The following RIMKLB variants were observed in gnomAD, a reference collection of about 807,000 sequenced individuals.
The protein encoded by RIMKLB is ribosomal modification protein rimK like family member B.
A neutral mutation model predicts 32.0 loss-of-function variants in RIMKLB; 7 were observed. That is an observed-to-expected ratio of 0.22 (90% CI 0.12 to 0.41). The LOEUF is 0.41. Ranked by LOEUF, RIMKLB falls within the 10% of genes least tolerant of loss-of-function variation. RIMKLB has a pLI of 1.00. For missense variants in RIMKLB, 289 were observed against 498.7 expected, an observed-to-expected ratio of 0.58 and a Z score of 4.00; for synonymous variants, 172 against 185.1, an observed-to-expected ratio of 0.93 and a Z score of 0.57.
rs750550452 is a variant in RIMKLB at position 8,714,045 on chromosome 12, A to G, written c.175+4A>G. 6.2e-7 allele frequency: 1 copy of G among 1,613,454 alleles called. No homozygotes were observed. Among genetic ancestry groups the G allele is most frequent in the Non-Finnish European group, 8.5e-7 (1 of 1,179,476 alleles). On this transcript the variant is annotated splice_donor_region_variant and intron_variant, in intron 2 of 5. Coordinates refer to ENST00000535829, the MANE Select transcript of RIMKLB (RefSeq NM_001297776.2). ...ACAATCGAGCAAGGAAACCTGGGTA[A>G]GTCTGTATACTAAGTGATCTTTTGG...
At chr12:8,751,845 A>G (rs1182890042) in intron 3 of RIMKLB, 112 bp from the exon 4 acceptor site, 1 of 679,700 alleles carries the variant, frequency 1.5e-6, no homozygotes, top group Non-Finnish European at 2.6e-6. Flanking sequence ...GTTAGCCATC[A>G]GGCTCTTACC....
At chr12:8,779,704 T>C (rs1254882939), downstream of RIMKLB, 3 of 152,196 alleles carry the variant, frequency 2.0e-5, no homozygotes, top group African/African-American at 7.2e-5. Context: ...CTAGTTCATT[T>C]ACTGGAGACT....
intron 5 of RIMKLB, among the ~76,000 whole-genome samples, chr12:8,766,699 C>T (rs1033106385): frequency 2.0e-5 from 3 of 152,190 alleles, no homozygotes; most frequent in Non-Finnish European, 4.4e-5. Context: ...CCTCTATCTC[C>T]TGTCCTGAAG....
chr12:8,759,559 C>A (rs1050097921), intron 5 of RIMKLB, among the ~76,000 whole-genome samples: 2 of 151,974 alleles, frequency 1.3e-5, no homozygotes, highest in African/African-American at 4.8e-5. Context: ...TTTATTTGGT[C>A]ATTTGTATTT....
At chr12:8,707,728 AT>A (rs1235223913) in intron 1 of RIMKLB, among the ~76,000 whole-genome samples, 3 of 152,214 alleles carry the variant, frequency 2.0e-5, no homozygotes, top group Admixed American at 2.0e-4. Flanking sequence ...AATTATTAGC[AT>A]ACAGAAAGAC....
intron 2 of RIMKLB, among the ~76,000 whole-genome samples, chr12:8,721,879 G>A (rs1206058284): frequency 1.3e-5 from 2 of 152,144 alleles, no homozygotes; most frequent in Non-Finnish European, 2.9e-5. Flanking sequence ...AAGTAGCTGG[G>A]ACTACAGGTG....
chr12:8,733,863 A>C (rs1375075036), intron 2 of RIMKLB, among the ~76,000 whole-genome samples: 1 of 152,206 alleles, frequency 6.6e-6, no homozygotes, highest in African/African-American at 2.4e-5. Flanking sequence ...TGGGTGACAC[A>C]GTGAGACCCT....
At chr12:8,705,190 A>C (rs1654747280) in intron 1 of RIMKLB, among the ~76,000 whole-genome samples, 1 of 152,128 alleles carries the variant, frequency 6.6e-6, no homozygotes, top group South Asian at 2.1e-4. Context: ...GATAAGAGTA[A>C]AGTGGGCCAG....
chr12:8,684,108 C>A (rs1942495790), intron 1 of RIMKLB, among the ~76,000 whole-genome samples: 1 of 152,022 alleles, frequency 6.6e-6, no homozygotes, highest in South Asian at 2.1e-4. Context: ...TCTCTAAGTT[C>A]TTTCAAAGGA....
downstream of RIMKLB, chr12:8,777,879 TTAAAAAG>T (rs1950825876): frequency 4.8e-6 from 1 of 209,500 alleles, no homozygotes; most frequent in African/African-American, 2.3e-5. Context: ...TTTACGTACT[TTAAAAAG>T]TAACCATGGG....
At position 8,773,949 on chromosome 12, in the gene RIMKLB, A is replaced by G; in HGVS notation, c.*165A>G. On this transcript the variant is annotated 3_prime_UTR_variant, in exon 6 of 6. Coordinates refer to ENST00000535829, the MANE Select transcript of RIMKLB (RefSeq NM_001297776.2). ...GAGATAGATGAGACCTCTGCTAGTA[A>G]GATGTTACTTTCATTTACAAATCCT... 24 of 1,411,070 alleles carry G rather than the reference A, an allele frequency of 1.7e-5. No individual in the cohort carries two copies. Among genetic ancestry groups the G allele is most frequent in the Non-Finnish European group, 1.9e-5 (21 of 1,086,568 alleles). 87.4% of individuals were successfully genotyped at this position (1,411,070 alleles called of 1,614,324 possible).
Position 8,745,518 on chromosome 12 carries a change from C to T in RIMKLB, c.176-4344C>T, listed in dbSNP as rs563652634. Reference sequence around the variant, plus strand: ...CAAGCAGTTCTTCTACCTCAGCTTCCCAAGTAGCTGGGATTTTATGCATGA... The same window carrying T: ...CAAGCAGTTCTTCTACCTCAGCTTCTCAAGTAGCTGGGATTTTATGCATGA... On this transcript the variant is annotated intron_variant, in intron 2 of 5. Coordinates refer to ENST00000535829, the MANE Select transcript of RIMKLB (RefSeq NM_001297776.2). 2.6e-5 allele frequency among the ~76,000 whole-genome samples: 4 copies of T among 151,686 alleles called. No individual in the cohort carries two copies. In the East Asian group the frequency reaches 5.8e-4, roughly 22 times the overall value.
At chr12:8,714,228 A>T (rs1944615189) in intron 2 of RIMKLB, 187 bp downstream of exon 2, 1 of 520,864 alleles carries the variant, frequency 1.9e-6, no homozygotes, top group Non-Finnish European at 3.4e-6. Context: ...ATTAGGAAAC[A>T]GTTGTGAGGG....
At chr12:8,701,007 G>T (rs187847813) in intron 1 of RIMKLB, among the ~76,000 whole-genome samples, 2 of 152,036 alleles carry the variant, frequency 1.3e-5, no homozygotes, top group South Asian at 2.1e-4. Context: ...TGGAGGTTGC[G>T]GTGAGCCGAA....
chr12:8,669,426 A>C, the RIMKLB span, among the ~76,000 whole-genome samples: 3 of 152,188 alleles, frequency 2.0e-5, no homozygotes, highest in African/African-American at 7.2e-5. Flanking sequence ...TCCAAACCAT[A>C]GCAGTATATA....
At chr12:8,734,387 A>T (rs1286140057) in intron 2 of RIMKLB, among the ~76,000 whole-genome samples, 1 of 152,198 alleles carries the variant, frequency 6.6e-6, no homozygotes, top group Non-Finnish European at 1.5e-5. Context: ...TTTGAAAGTA[A>T]ATATATTGGT....
At chr12:8,781,482 C>A (rs1592062167), downstream of RIMKLB, among the ~76,000 whole-genome samples, 3 of 152,224 alleles carry the variant, frequency 2.0e-5, no homozygotes, top group Admixed American at 2.0e-4. Flanking sequence ...AGACCCATTT[C>A]TTTGTCACTG....
chr12:8,694,387 A>ATTTT (rs769859426), upstream of RIMKLB, among the ~76,000 whole-genome samples: 53 of 119,066 alleles, frequency 4.5e-4, 4 homozygotes, highest in South Asian at 8.3e-4. Context: ...ATCCTGTTGA[A>ATTTT]TTTTTTTTCT....
At position 8,773,481 on chromosome 12, in the gene RIMKLB, C is replaced by T. The variant is rs1950556363; in HGVS notation, c.858C>T (p.Ala286=). 1.2e-6 allele frequency: 2 copies of T among 1,614,230 alleles called. No homozygotes were observed. The highest frequency in any genetic ancestry group is 1.3e-5 in the African/African-American group (1 of 75,056). ...CCAATGCAAATGTAGGTTTCATCGC[C>T]TTTGATAAGGCTTGTAATCTAGATG... ...CEANANVGFI[A]FDKACNLDVA... is the part of the protein sequence containing the mutation. The change falls in exon 6 of 6, where the codon GCC becomes GCT. Residue 286 remains alanine, a synonymous_variant. Coordinates refer to ENST00000535829, the MANE Select transcript of RIMKLB (RefSeq NM_001297776.2).
Sources: gnomAD v4.1 joint callset for allele counts (sites outside exome capture counted in the v4.1 genomes callset) on GRCh38, gnomAD v4.1.1 for gene constraint, MANE v1.5 for transcripts, NCBI Gene and HGNC (gene_info 2026-07-23, HGNC 2026-07-21) for gene names.